Variants in ZNF782 observed in about 807,000 individuals in gnomAD.
The protein encoded by ZNF782 is zinc finger protein 782.
A neutral mutation model predicts 13.0 loss-of-function variants in ZNF782; 12 were observed. The observed-to-expected ratio is 0.92, with a 90% CI of 0.59 to 1.50. The LOEUF is 1.50. Among genes scored for constraint, ZNF782 ranks in the 40% most tolerant of loss-of-function variants. The pLI is 0.00. For missense variants in ZNF782, 770 were observed against 822.9 expected (o/e 0.94, Z 0.79); for synonymous variants, 284 against 283.0 (o/e 1.00, Z -0.04).
chr9:96,907,424 A>G, the ZNF782 span, among the ~76,000 whole-genome samples: 1 of 152,376 alleles, frequency 6.6e-6, no homozygotes, highest in Middle Eastern at 3.4e-3. Context: ...TTAGTTGCAC[A>G]ACAATATGAA....
At chr9:96,846,601 G>A (rs1271454078) in intron 3 of ZNF782, among the ~76,000 whole-genome samples, 1 of 151,928 alleles carries the variant, frequency 6.6e-6, no homozygotes, top group Non-Finnish European at 1.5e-5. Flanking sequence ...GACAAAGAAG[G>A]TCACCATATG....
At chr9:96,822,073 G>A (rs1031231484) in intron 5 of ZNF782, among the ~76,000 whole-genome samples, 4 of 152,076 alleles carry the variant, frequency 2.6e-5, no homozygotes, top group African/African-American at 9.7e-5. Context: ...TAATTTATAT[G>A]AAGACAGTGA....
intron 3 of ZNF782, 45 bp downstream of exon 3, chr9:96,851,902 T>C: frequency 1.3e-6 from 2 of 1,593,906 alleles, no homozygotes; most frequent in Non-Finnish European, 1.7e-6. Context: ...CTAAACCTCA[T>C]AAAATCCATT....
chr9:96,918,729 GA>G, the ZNF782 span: 1 of 157,652 alleles, frequency 6.3e-6, no homozygotes, highest in Non-Finnish European at 1.4e-5. Flanking sequence ...TTCTGAGCTT[GA>G]AGTCACCAGG....
At chr9:96,923,210 G>A in the ZNF782 span, among the ~76,000 whole-genome samples, 28,927 of 149,018 alleles carry the variant, frequency 0.19, 8,006 homozygotes, top group African/African-American at 0.62. Flanking sequence ...GGAGTTCCCT[G>A]CATGCCCTAA....
the ZNF782 span, among the ~76,000 whole-genome samples, chr9:96,930,216 A>G: frequency 7.4e-4 from 113 of 151,792 alleles, no homozygotes; most frequent in Middle Eastern, 3.4e-3. Flanking sequence ...ATTTAGTGTA[A>G]CATGACTAGC....
At chr9:96,845,687 A>G (rs1851324326) in intron 3 of ZNF782, among the ~76,000 whole-genome samples, 1 of 152,264 alleles carries the variant, frequency 6.6e-6, no homozygotes, top group Admixed American at 6.5e-5. Flanking sequence ...AAAGTCTCCA[A>G]GAAATATGAA....
chr9:96,881,827 TATTA>T, the ZNF782 span, among the ~76,000 whole-genome samples: 11 of 152,106 alleles, frequency 7.2e-5, no homozygotes, highest in South Asian at 2.1e-4. Context: ...TGTAGTTTTA[TATTA>T]ATTATTTAAA....
intron 4 of ZNF782, among the ~76,000 whole-genome samples, chr9:96,840,491 A>AT (rs938614797): frequency 3.1e-4 from 47 of 151,912 alleles, no homozygotes; most frequent in South Asian, 1.2e-3. Context: ...AAAAATTACA[A>AT]TTTTTTTTAA....
chr9:96,867,184 A>T (rs1185684784), intron 1 of ZNF782, among the ~76,000 whole-genome samples: 1 of 152,114 alleles, frequency 6.6e-6, no homozygotes, highest in African/African-American at 2.4e-5. Flanking sequence ...TCACACCCAA[A>T]TCTCATCTTG....
upstream of ZNF782, among the ~76,000 whole-genome samples, chr9:96,854,854 GA>G (rs1851617723): frequency 6.7e-6 from 1 of 150,206 alleles, no homozygotes; most frequent in South Asian, 2.1e-4. Context: ...TGCAAATATT[GA>G]AAAAAAGTAC....
chr9:96,923,388 C>A, the ZNF782 span, among the ~76,000 whole-genome samples: 1 of 148,994 alleles, frequency 6.7e-6, no homozygotes, highest in Non-Finnish European at 1.5e-5. Flanking sequence ...CAAAGTCCAC[C>A]TCACAACTGC....
At chr9:96,921,099 TG>T in the ZNF782 span, among the ~76,000 whole-genome samples, 6 of 147,340 alleles carry the variant, frequency 4.1e-5, no homozygotes, top group East Asian at 1.3e-3. Flanking sequence ...TTGTAGCATA[TG>T]TAAAGTTTTC....
At position 96,819,770 on chromosome 9, in the gene ZNF782, G is replaced by A; in HGVS notation, c.253C>T (p.Gln85Ter). Residue 85 changes from glutamine (Q) to a stop codon, truncating the protein, a stop_gained, in exon 6 of 6, where the codon CAA becomes TAA. Coordinates refer to ENST00000481138, the MANE Select transcript of ZNF782 (RefSeq NM_001001662.3). LOFTEE classifies it low-confidence loss of function (END_TRUNC). ...FLSRNSPEDS[Q>*]PDEISEKSPE... ...CTCTTCTCTGAGATTTCATCAGGTTGGGAGTCTTCTAAAAATGATAAAATT... is the reference window on the plus strand; with the variant it reads ...CTCTTCTCTGAGATTTCATCAGGTTAGGAGTCTTCTAAAAATGATAAAATT... 3 of 1,570,598 alleles carry A rather than the reference G, an allele frequency of 1.9e-6. No individual in the cohort carries two copies. The highest frequency in any genetic ancestry group is 2.4e-5 in the South Asian group (2 of 83,400).
At chr9:96,888,811 T>A in the ZNF782 span, 3,080 of 152,344 alleles carry the variant, frequency 0.02, 178 homozygotes, top group East Asian at 0.24. Flanking sequence ...CCAAGCACAT[T>A]AGCAAAAGCA....
chr9:96,883,619 G>GA, the ZNF782 span, among the ~76,000 whole-genome samples: 3 of 152,210 alleles, frequency 2.0e-5, no homozygotes, highest in African/African-American at 7.2e-5. Flanking sequence ...GGAGCTCTGT[G>GA]AAGTTTGAAA....
chr9:96,911,388 G>A, the ZNF782 span, among the ~76,000 whole-genome samples: 1 of 122,960 alleles, frequency 8.1e-6, no homozygotes, highest in Non-Finnish European at 1.6e-5. Flanking sequence ...GCAGTGAGCC[G>A]AGATCGCGCC....
the ZNF782 span, chr9:96,892,800 T>C: frequency 6.6e-6 from 1 of 152,186 alleles, no homozygotes; most frequent in African/African-American, 2.4e-5. Context: ...GCTTATATCA[T>C]TCGTGAACAT....
chr9:96,817,841 G>T lies in ZNF782; in HGVS notation c.*82C>A. 1 of 1,262,514 alleles carries T rather than the reference G, an allele frequency of 7.9e-7. No individual in the cohort carries two copies. The highest frequency in any genetic ancestry group is 1.1e-6 in the Non-Finnish European group (1 of 914,446). The allele number at this position is 1,262,514 out of a possible 1,614,324, so 78.2% of individuals were successfully genotyped here. Reference sequence around the variant, plus strand: ...AATTCCAGTGCTCACTATGTTAACAGTTCTCTCCTGTGTGTTCATTTATGT... The same window carrying T: ...AATTCCAGTGCTCACTATGTTAACATTTCTCTCCTGTGTGTTCATTTATGT... On this transcript the variant is annotated 3_prime_UTR_variant, in exon 6 of 6. Coordinates refer to ENST00000481138, the MANE Select transcript of ZNF782 (RefSeq NM_001001662.3).
Sources: gnomAD v4.1 joint callset for allele counts (sites outside exome capture counted in the v4.1 genomes callset) on GRCh38, gnomAD v4.1.1 for gene constraint, MANE v1.5 for transcripts, NCBI Gene and HGNC (gene_info 2026-07-23, HGNC 2026-07-21) for gene names.